Variants in NEO1 observed in about 807,000 individuals in gnomAD.
NEO1 encodes neogenin.
NEO1 carries 63 observed loss-of-function variants against 159.7 expected under a neutral mutation model. The observed-to-expected ratio is 0.39, with a 90% CI of 0.32 to 0.49. The LOEUF (loss-of-function observed/expected upper bound fraction) is 0.49, where lower values mean the gene tolerates loss of function less well. Among genes scored for constraint, NEO1 ranks in the 20% least tolerant of loss-of-function variants. The pLI is 0.85. For missense variants in NEO1, 1,615 were observed against 1,831.0 expected, an observed-to-expected ratio of 0.88 and a Z score of 2.15; for synonymous variants, 633 against 662.0, an observed-to-expected ratio of 0.96 and a Z score of 0.67.
intron 23 of NEO1, among the ~76,000 whole-genome samples, chr15:73,286,498 C>T (rs142847313): frequency 1.2e-3 from 183 of 152,284 alleles, no homozygotes; most frequent in Admixed American, 0.011. Flanking sequence ...TCTGTGTTCT[C>T]CCCAAGTGAT....
rs143692230 is a variant in NEO1, at chr15:73,249,861, G to A, written c.1894+140G>A. On this transcript the variant is annotated intron_variant, in intron 11 of 28. Transcript: ENST00000261908. The stretch of plus-strand genomic sequence containing the variant: ...TTTCTGGTAATATGACTTTAGTCAA[G>A]TCTGAACATCTTTTTTCACGTGTAA... The A allele has an allele frequency of 7.4e-6, 7 of 944,990 alleles. No individual in the cohort carries two copies. In the East Asian group the frequency reaches 1.8e-4, roughly 24 times the overall value. 58.5% of individuals were successfully genotyped at this position (944,990 alleles called of 1,614,324 possible). A position where few individuals can be genotyped will look rare whatever the true frequency, so the allele number is the denominator to read the frequency against.
chr15:73,068,223 A>AACCCCCCCC (rs2068324455), intron 1 of NEO1, among the ~76,000 whole-genome samples: 2 of 82,972 alleles, frequency 2.4e-5, no homozygotes, highest in African/African-American at 4.1e-5. Flanking sequence ...TTGTCCCCCT[A>AACCCCCCCC]CCCCCCCCCC....
At chr15:73,272,663 G>T (rs1228343969) in intron 19 of NEO1, 101 bp downstream of exon 19, 2 of 840,464 alleles carry the variant, frequency 2.4e-6, no homozygotes, top group East Asian at 2.7e-5. Context: ...GAGTCTGAAG[G>T]CTGGCTTGGT....
chr15:73,266,359 C>G lies in NEO1; in HGVS notation c.2442C>G (p.Asn814Lys), dbSNP rs375828942. ...TGATTACCCTGAAAGCATTTAATAACGTGGGTGAAGGCATCCCCCTGTATG... is the reference window on the plus strand; with the variant it reads ...TGATTACCCTGAAAGCATTTAATAAGGTGGGTGAAGGCATCCCCCTGTATG... Reference protein sequence around the residue: ...HYVITLKAFNNVGEGIPLYES... With the variant: ...HYVITLKAFNKVGEGIPLYES... The change falls in exon 16 of 29, where the codon AAC becomes AAG. Residue 814 changes from asparagine to lysine, a missense_variant. Around this residue, in one of 3 missense-constraint regions of NEO1, gnomAD observed 1,018 missense variants for 1,115.4 expected, o/e 0.91. Coordinates refer to ENST00000261908, the MANE Select transcript of NEO1 (RefSeq NM_002499.4). 14 of 1,613,600 alleles carry G rather than the reference C, an allele frequency of 8.7e-6. No individual in the cohort carries two copies. The highest frequency in any genetic ancestry group is 1.2e-5 in the Non-Finnish European group (14 of 1,179,756).
intron 7 of NEO1, among the ~76,000 whole-genome samples, chr15:73,224,454 G>GA (rs2038461859): frequency 6.6e-6 from 1 of 152,118 alleles, no homozygotes; most frequent in Admixed American, 6.5e-5. Flanking sequence ...ATTATTCTTA[G>GA]GTTTGGTTGT....
At chr15:73,139,438 A>G (rs2032164202) in intron 5 of NEO1, among the ~76,000 whole-genome samples, 1 of 152,232 alleles carries the variant, frequency 6.6e-6, no homozygotes, top group African/African-American at 2.4e-5. Flanking sequence ...ACAGAAGAAG[A>G]AAATGATAAC....
chr15:73,122,317 CTG>C (rs1171023746), intron 2 of NEO1, among the ~76,000 whole-genome samples: 1 of 151,796 alleles, frequency 6.6e-6, no homozygotes, highest in Non-Finnish European at 1.5e-5. Context: ...GCTTCTCTAA[CTG>C]TGAGGAATCT....
Position 73,119,495 on chromosome 15 carries a change from C to A in NEO1, c.448+2638C>A, listed in dbSNP as rs140363977. Among the ~76,000 whole-genome samples, 29 of 152,298 alleles carry A rather than the reference C, an allele frequency of 1.9e-4. No homozygotes were observed. In the East Asian group the frequency reaches 5.6e-3, roughly 29 times the overall value. On this transcript the variant is annotated intron_variant, in intron 2 of 28. Transcript: ENST00000261908. ...CAAAATTTCTGTTTTTCTGCCTGGG[C>A]AGTATGCTGGCTGTGAGTATTTTGT... is the stretch of plus-strand genomic sequence containing the variant.
chr15:73,196,916 AG>A (rs1161045455), intron 7 of NEO1, among the ~76,000 whole-genome samples: 11 of 152,320 alleles, frequency 7.2e-5, no homozygotes, highest in African/African-American at 2.6e-4. Context: ...ATGCGTGGTC[AG>A]TTTTTTTGGT....
At chr15:73,154,601 C>G (rs2033640144) in intron 5 of NEO1, among the ~76,000 whole-genome samples, 1 of 152,174 alleles carries the variant, frequency 6.6e-6, no homozygotes, top group Non-Finnish European at 1.5e-5. Flanking sequence ...AGCATGTCTT[C>G]TGTGCCTGGC....
In NEO1 at chr15:73,270,002, C is replaced by G; in HGVS notation, c.2495-8C>G. The G allele has an allele frequency of 6.2e-7, 1 of 1,602,578 alleles. No homozygotes were observed. On this transcript the variant is annotated splice_region_variant and splice_polypyrimidine_tract_variant and intron_variant, in intron 16 of 28. Transcript: ENST00000261908. ...GCCACTTCCCTTTTTAAATTATTTT[C>G]TGCTCAGACACTTCTGAAGTTGATT...
chr15:73,196,361 C>A (rs993983391), intron 7 of NEO1, among the ~76,000 whole-genome samples: 2 of 152,196 alleles, frequency 1.3e-5, no homozygotes, highest in Non-Finnish European at 2.9e-5. Flanking sequence ...ATCAGCAGTT[C>A]ACTGCAAGGG....
chr15:73,062,345 T>C lies in NEO1; in HGVS notation c.130+9540T>C, dbSNP rs551817357. On this transcript the variant is annotated intron_variant, in intron 1 of 28. Coordinates refer to ENST00000261908, the MANE Select transcript of NEO1 (RefSeq NM_002499.4). ...TATTCATGTGTTTTATTCATATATC[T>C]ATATCTTTTATTGAATCATTGATTC... Among the ~76,000 whole-genome samples the C allele has an allele frequency of 2.1e-3, 322 of 152,372 alleles. 1 individual carries two copies. Among genetic ancestry groups the C allele is most frequent in the South Asian group, 4.1e-3 (20 of 4,828 alleles).
intron 7 of NEO1, among the ~76,000 whole-genome samples, chr15:73,232,806 A>G (rs2038979158): frequency 1.3e-5 from 2 of 152,072 alleles, no homozygotes; most frequent in Non-Finnish European, 2.9e-5. Context: ...CTAATTGACA[A>G]CACTCCATAT....
chr15:73,132,800 A>G (rs1444950787), intron 4 of NEO1, among the ~76,000 whole-genome samples: 1 of 152,234 alleles, frequency 6.6e-6, no homozygotes, highest in Non-Finnish European at 1.5e-5. Context: ...ATCATTAATT[A>G]TGAGGGAAAT....
rs57566986 is a variant in NEO1 at position 73,244,954 on chromosome 15, C to CAAAAAAAAAAAAAAAA, written c.1606+470_1606+485dup. Among the ~76,000 whole-genome samples, 89 of 16,512 alleles carry CAAAAAAAAAAAAAAAA rather than the reference C, an allele frequency of 5.4e-3. 10 individuals carry two copies. Among genetic ancestry groups the CAAAAAAAAAAAAAAAA allele is most frequent in the South Asian group, 9.3e-3 (2 of 214 alleles). The allele number at this position is 16,512 out of a possible 152,430, so 10.8% of individuals were successfully genotyped here. Reference sequence around the variant, plus strand: ...TGGGTGACAGAGTGAGACTCTGTCTCAAAAAAAAAAAAAAAAAAAAAAAAA... The same window carrying CAAAAAAAAAAAAAAAA: ...TGGGTGACAGAGTGAGACTCTGTCTCAAAAAAAAAAAAAAAAAAAAAAAAAAAAAAAAAAAAAAAAA... On this transcript the variant is annotated intron_variant, in intron 9 of 28. Coordinates refer to ENST00000261908, the MANE Select transcript of NEO1 (RefSeq NM_002499.4).
intron 11 of NEO1, among the ~76,000 whole-genome samples, chr15:73,250,994 C>T (rs888724052): frequency 3.3e-5 from 5 of 151,982 alleles, no homozygotes; most frequent in African/African-American, 9.7e-5. Context: ...AGATACATGG[C>T]GATATACACT....
In NEO1 at chr15:73,205,834, C is replaced by CA. The variant is rs543726731; in HGVS notation, c.1291+27409dup. On this transcript the variant is annotated intron_variant, in intron 7 of 28. Coordinates refer to ENST00000261908, the MANE Select transcript of NEO1 (RefSeq NM_002499.4). ...TTGTAAGAATGAAAATGATGACTTT[C>CA]AAGCTATTTACATGCCACCATTGAA... 1.2e-3 allele frequency among the ~76,000 whole-genome samples: 179 copies of CA among 152,216 alleles called. 1 individual carries two copies. The highest frequency in any genetic ancestry group is 4.1e-3 in the African/African-American group (169 of 41,532).
At chr15:73,053,164 C>T (rs1471915845) in intron 1 of NEO1, among the ~76,000 whole-genome samples, 1 of 152,118 alleles carries the variant, frequency 6.6e-6, no homozygotes, top group East Asian at 1.9e-4. Flanking sequence ...CACTACACAC[C>T]TCATTAAATA....
Sources: gnomAD v4.1 joint callset for allele counts (sites outside exome capture counted in the v4.1 genomes callset) on GRCh38, gnomAD v4.1.1 for gene constraint, gnomAD v4.1.1 regional missense constraint, MANE v1.5 for transcripts, NCBI Gene and HGNC (gene_info 2026-07-23, HGNC 2026-07-21) for gene names.